Variants in CAPN15 observed in about 807,000 individuals in gnomAD.
CAPN15 encodes the protein calpain 15, also known as calpain-15.
Under a neutral mutation model 97.9 loss-of-function variants are expected in CAPN15, and 53 were observed. That is an observed-to-expected ratio of 0.54 (90% CI 0.43 to 0.68). The LOEUF is 0.68. Ranked by LOEUF, CAPN15 falls within the 30% of genes least tolerant of loss-of-function variation. The pLI is 0.00. For missense variants in CAPN15, 1,592 were observed against 1,589.8 expected (o/e 1.00, Z -0.02); for synonymous variants, 922 against 722.5 (o/e 1.28, Z -4.43).
rs917577959 is a variant in CAPN15, at chr16:547,972, C to A, written c.1134C>A (p.Pro378=). Reference sequence around the variant, plus strand: ...GCTTCCAGGAGCATGGCGAGCCCCCCACCCACTGCCCCGACTGTGGGGCCG... The same window carrying A: ...GCTTCCAGGAGCATGGCGAGCCCCCAACCCACTGCCCCGACTGTGGGGCCG... ...LHGFQEHGEP[P]THCPDCGADK... is the part of the protein sequence containing the mutation. The change falls in exon 4 of 14, where the codon CCC becomes CCA. Residue 378 remains proline, a synonymous_variant. Coordinates refer to ENST00000219611, the MANE Select transcript of CAPN15 (RefSeq NM_005632.3). The A allele has an allele frequency of 5.0e-6, 8 of 1,584,232 alleles. No homozygotes were observed. Among genetic ancestry groups the A allele is most frequent in the South Asian group, 3.4e-5 (3 of 87,392 alleles).
chr16:545,901 G>A (rs975699206), intron 3 of CAPN15, among the ~76,000 whole-genome samples: 4 of 152,258 alleles, frequency 2.6e-5, no homozygotes, highest in South Asian at 2.1e-4. Context: ...GTGCAGGTGC[G>A]GCCGGGAGCC....
chr16:547,306 C>T lies in CAPN15; in HGVS notation c.468C>T (p.Asn156=). 1 of 1,524,886 alleles carries T rather than the reference C, an allele frequency of 6.6e-7. No individual in the cohort carries two copies. The highest frequency in any genetic ancestry group is 2.3e-4 in the Middle Eastern group (1 of 4,398). 94.5% of individuals were successfully genotyped at this position (1,524,886 alleles called of 1,614,324 possible). ...CGTGTCCGCGTTGCACGCTGCACAA[C>T]ACGCCCGTGGCCAGCTCCTGCTCCG... ...GWACPRCTLH[N]TPVASSCSVC... The change falls in exon 4 of 14, where the codon AAC becomes AAT. Residue 156 remains asparagine (N), a synonymous_variant. Coordinates refer to ENST00000219611, the MANE Select transcript of CAPN15 (RefSeq NM_005632.3).
intron 1 of CAPN15, among the ~76,000 whole-genome samples, chr16:531,709 A>T (rs2033275322): frequency 7.0e-6 from 1 of 141,876 alleles, no homozygotes; most frequent in African/African-American, 2.8e-5. Flanking sequence ...CACGGCTCCC[A>T]AGGCCTCCGT....
At chr16:533,131 G>C (rs2033393658) in intron 1 of CAPN15, among the ~76,000 whole-genome samples, 1 of 152,050 alleles carries the variant, frequency 6.6e-6, no homozygotes, top group Non-Finnish European at 1.5e-5. Flanking sequence ...TGAGGCAGGA[G>C]AATAGCTTGA....
chr16:536,948 C>T (rs1414238302), intron 3 of CAPN15: 1 of 176,138 alleles, frequency 5.7e-6, no homozygotes, highest in East Asian at 1.9e-4. Context: ...CTTAGTGGGC[C>T]TCGCCAGCCA....
intron 1 of CAPN15, among the ~76,000 whole-genome samples, chr16:531,795 T>C (rs60057661): frequency 0.21 from 31,040 of 146,042 alleles, 5,381 homozygotes; most frequent in African/African-American, 0.46. Flanking sequence ...GGGTGACAGG[T>C]GCCCCCTGTG....
At position 553,574 on chromosome 16, in the gene CAPN15, T is replaced by G; in HGVS notation, c.*58T>G. 9.5e-7 allele frequency: 1 copy of G among 1,051,768 alleles called. No homozygotes were observed. Among genetic ancestry groups the G allele is most frequent in the Non-Finnish European group, 1.4e-6 (1 of 735,078 alleles). 65.2% of individuals were successfully genotyped at this position (1,051,768 alleles called of 1,614,324 possible). A position where few individuals can be genotyped will look rare whatever the true frequency, so the allele number is the denominator to read the frequency against. ...CGGACCCCCCACCCCCACACGCACT[T>G]TATGAGGGAGACCCCGACAGAGGAC... On this transcript the variant is annotated 3_prime_UTR_variant, in exon 14 of 14. Transcript: ENST00000219611.
At chr16:537,461 G>A (rs2033811364) in intron 3 of CAPN15, 8 of 985,246 alleles carry the variant, frequency 8.1e-6, no homozygotes, top group Non-Finnish European at 9.6e-6. Context: ...GGTGAGTGGC[G>A]AAGGAGCTGA....
chr16:554,178 TCAC>T lies in CAPN15; in HGVS notation c.*663_*665del, dbSNP rs2035292991. ...GGTGGGCACCAGTTCTCAGCACCGCTCACTGCTGCCGGGCACACTGGGACCAGC... is the reference window on the plus strand; with the variant it reads ...GGTGGGCACCAGTTCTCAGCACCGCTTGCTGCCGGGCACACTGGGACCAGC... On this transcript the variant is annotated 3_prime_UTR_variant, in exon 14 of 14. Transcript: ENST00000219611. 3.6e-6 allele frequency: 1 copy of T among 279,224 alleles called. No individual in the cohort carries two copies. Among genetic ancestry groups the T allele is most frequent in the Non-Finnish European group, 7.1e-6 (1 of 141,554 alleles). The allele number at this position is 279,224 out of a possible 1,614,324, so 17.3% of individuals were successfully genotyped here.
chr16:554,136 G>C lies in CAPN15; in HGVS notation c.*620G>C. 2 of 210,098 alleles carry C rather than the reference G, an allele frequency of 9.5e-6. No homozygotes were observed. The highest frequency in any genetic ancestry group is 1.6e-4 in the South Asian group (2 of 12,194). 13.0% of individuals were successfully genotyped at this position (210,098 alleles called of 1,614,324 possible). ...CGAAGCCATGACTGGGTGCAGGCGG[G>C]CGCCAGGCCCGCTGTGGGTGGGCAC... is the stretch of plus-strand genomic sequence containing the variant. On this transcript the variant is annotated 3_prime_UTR_variant, in exon 14 of 14. Coordinates refer to ENST00000219611, the MANE Select transcript of CAPN15 (RefSeq NM_005632.3).
chr16:540,767 C>T (rs1039915312), intron 3 of CAPN15, among the ~76,000 whole-genome samples: 1 of 152,232 alleles, frequency 6.6e-6, no homozygotes, highest in African/African-American at 2.4e-5. Context: ...CCGGGGGTCA[C>T]AGGCCACATG....
chr16:528,647 T>C, intron 1 of CAPN15: 1 of 838,834 alleles, frequency 1.2e-6, no homozygotes, highest in African/African-American at 1.8e-5. Context: ...GGAACTCTTG[T>C]GTGGTCAGCT....
At chr16:537,552 C>A in intron 3 of CAPN15, 2 of 575,014 alleles carry the variant, frequency 3.5e-6, no homozygotes, top group East Asian at 1.4e-4. Flanking sequence ...GGGCCCAGTG[C>A]AAGCAGCTTC....
chr16:551,798 CT>C, intron 9 of CAPN15, 134 bp downstream of exon 9: 1 of 1,209,098 alleles, frequency 8.3e-7, no homozygotes, highest in Non-Finnish European at 1.2e-6. Flanking sequence ...GGACCTGGAG[CT>C]TCAGCTCCAA....
At chr16:544,394 C>G (rs1596340008) in intron 3 of CAPN15, among the ~76,000 whole-genome samples, 1 of 152,154 alleles carries the variant, frequency 6.6e-6, no homozygotes, top group East Asian at 1.9e-4. Flanking sequence ...CCCCGGGGGA[C>G]AGAATGCAGC....
At position 547,997 on chromosome 16, in the gene CAPN15, G is replaced by T; in HGVS notation, c.1159G>T (p.Asp387Tyr). 1 of 1,579,750 alleles carries T rather than the reference G, an allele frequency of 6.3e-7. No homozygotes were observed. The highest frequency in any genetic ancestry group is 1.1e-5 in the South Asian group (1 of 87,082). Residue 387 changes from aspartate (D) to tyrosine (Y), a missense_variant, in exon 4 of 14, where the codon GAC becomes TAC. Transcript: ENST00000219611. Reference sequence around the variant, plus strand: ...CACCCACTGCCCCGACTGTGGGGCCGACAAGCCCAGCCCCTGCGGCAGAAG... The same window carrying T: ...CACCCACTGCCCCGACTGTGGGGCCTACAAGCCCAGCCCCTGCGGCAGAAG... ...PPTHCPDCGA[D>Y]KPSPCGRSCG...
intron 3 of CAPN15, among the ~76,000 whole-genome samples, chr16:541,543 G>C (rs1177785481): frequency 6.6e-6 from 1 of 152,214 alleles, no homozygotes; most frequent in Non-Finnish European, 1.5e-5. Flanking sequence ...CCCAGTTCCT[G>C]GTGTTACCGC....
rs747500253 is a variant in CAPN15, at chr16:547,963, C to T, written c.1125C>T (p.Gly375=). The T allele has an allele frequency of 6.9e-6, 11 of 1,587,200 alleles. No homozygotes were observed. The highest frequency in any genetic ancestry group is 1.7e-5 in the Admixed American group (1 of 57,208). ...CSKLHGFQEH[G]EPPTHCPDCG... ...AACTGCACGGCTTCCAGGAGCATGG[C>T]GAGCCCCCCACCCACTGCCCCGACT... Residue 375 remains glycine (G), a synonymous_variant, in exon 4 of 14, where the codon GGC becomes GGT. Coordinates refer to ENST00000219611, the MANE Select transcript of CAPN15 (RefSeq NM_005632.3).
rs1039110234 is a variant in CAPN15 at position 554,256 on chromosome 16, C to T, written c.*740C>T. ...TCGGCCCGGCCCTGCCAGAGAGGGA[C>T]CCCAGCACATCGTGGGCACGGGCAG... On this transcript the variant is annotated 3_prime_UTR_variant, in exon 14 of 14. Coordinates refer to ENST00000219611, the MANE Select transcript of CAPN15 (RefSeq NM_005632.3). 2.0e-5 allele frequency: 7 copies of T among 342,758 alleles called. No individual in the cohort carries two copies. Among genetic ancestry groups the T allele is most frequent in the African/African-American group, 1.3e-4 (6 of 46,548 alleles). 21.2% of individuals were successfully genotyped at this position (342,758 alleles called of 1,614,324 possible). A position where few individuals can be genotyped will look rare whatever the true frequency, so the allele number is the denominator to read the frequency against.
Sources: allele counts gnomAD v4.1 joint callset (sites outside exome capture counted in the v4.1 genomes callset), GRCh38; gene constraint gnomAD v4.1.1; transcripts MANE v1.5; gene names NCBI Gene and HGNC (gene_info 2026-07-23, HGNC 2026-07-21).